CAPN3: variants seen among roughly 807,000 people sequenced by gnomAD.
CAPN3 encodes the protein calpain 3.
CAPN3 carries 88 observed loss-of-function variants against 114.0 expected under a neutral mutation model. The ratio of observed to expected loss-of-function variants is 0.77; its 90% CI spans 0.65 to 0.92. CAPN3 has a LOEUF of 0.92. Ranked by LOEUF, CAPN3 falls within the 40% of genes least tolerant of loss-of-function variation. CAPN3 has a pLI of 0.00. For synonymous variants in CAPN3, 386 were observed against 382.9 expected (o/e 1.01, Z -0.09); for missense variants, 1,028 against 1,069.0 (o/e 0.96, Z 0.53).
At chr15:42,407,319 A>T (rs1356227338) in intron 15 of CAPN3, among the ~76,000 whole-genome samples, 1 of 151,124 alleles carries the variant, frequency 6.6e-6, no homozygotes, top group Non-Finnish European at 1.5e-5. Flanking sequence ...GAGTAAACTG[A>T]GGCCAGAGAG....
intron 8 of CAPN3, 74 bp from the exon 9 acceptor site, chr15:42,396,726 T>G: frequency 8.6e-7 from 1 of 1,160,362 alleles, no homozygotes; most frequent in Non-Finnish European, 1.3e-6. Flanking sequence ...TGTATTTCTC[T>G]GATACCTCCT....
At position 42,403,022 on chromosome 15, in the gene CAPN3, TC is replaced by T; in HGVS notation, c.1745+23del. 6.2e-7 allele frequency: 1 copy of T among 1,607,086 alleles called. No individual in the cohort carries two copies. The highest frequency in any genetic ancestry group is 8.5e-7 in the Non-Finnish European group (1 of 1,173,716). On this transcript the variant is annotated intron_variant, in intron 13 of 23. Transcript: ENST00000397163. ...CTCTGAGTGAGTGCTGGCCCAGCTT[TC>T]CCACGTGTTTCTAAAAGCTCACATG... is the stretch of plus-strand genomic sequence containing the variant.
Position 42,409,308 on chromosome 15 carries a change from G to C in CAPN3, c.1920G>C (p.Gln640His). ...PDKQKQSPQP[Q>H]PGSSDQESEE... ...TTTCCTTTGTGCCTCCACAGCCACAGCCTGGCAGCTCTGATCAGGAAAGTG... is the reference window on the plus strand; with the variant it reads ...TTTCCTTTGTGCCTCCACAGCCACACCCTGGCAGCTCTGATCAGGAAAGTG... The change falls in exon 17 of 24, where the codon CAG becomes CAC. Residue 640 changes from glutamine (Q) to histidine (H), a missense_variant. Gln to His is a conservative substitution (Grantham distance 24, BLOSUM62 0). Coordinates refer to ENST00000397163, the MANE Select transcript of CAPN3 (RefSeq NM_000070.3). The C allele has an allele frequency of 6.2e-7, 1 of 1,614,130 alleles. No individual in the cohort carries two copies. The highest frequency in any genetic ancestry group is 1.1e-5 in the South Asian group (1 of 91,076).
At chr15:42,390,173 C>G (rs2053518388) in intron 6 of CAPN3, 77 bp downstream of exon 6, 2 of 1,542,930 alleles carry the variant, frequency 1.3e-6, no homozygotes, top group Non-Finnish European at 1.8e-6. Flanking sequence ...TCAGACTCCC[C>G]TCAGCAGCCA....
At position 42,404,027 on chromosome 15, in the gene CAPN3, C is replaced by A. The variant is rs2053949341; in HGVS notation, c.1782+250C>A. The stretch of plus-strand genomic sequence containing the variant: ...GGAAGAGGGTCCTGGAAAGGAGAAG[C>A]AATTTGAACAATCGGAGGGAACAAG... On this transcript the variant is annotated intron_variant, in intron 14 of 23. Coordinates refer to ENST00000397163, the MANE Select transcript of CAPN3 (RefSeq NM_000070.3). 5.0e-6 allele frequency: 3 copies of A among 601,358 alleles called. No individual in the cohort carries two copies. The African/African-American group carries it at 6.2e-5, about 12-fold the overall frequency. 37.3% of individuals were successfully genotyped at this position (601,358 alleles called of 1,614,324 possible). A position where few individuals can be genotyped will look rare whatever the true frequency, so the allele number is the denominator to read the frequency against.
chr15:42,390,638 A>T (rs1317067915), intron 6 of CAPN3, among the ~76,000 whole-genome samples: 1 of 152,076 alleles, frequency 6.6e-6, no homozygotes, highest in Non-Finnish European at 1.5e-5. Flanking sequence ...ATTTTTCCCC[A>T]TGTAAAGATA....
intron 8 of CAPN3, among the ~76,000 whole-genome samples, chr15:42,395,487 G>C (rs962015766): frequency 6.6e-6 from 1 of 152,174 alleles, no homozygotes; most frequent in Non-Finnish European, 1.5e-5. Flanking sequence ...ATCACAAAGA[G>C]GGGGCCTCTG....
chr15:42,369,870 C>CTTTTTTT (rs748584513), intron 1 of CAPN3, among the ~76,000 whole-genome samples: 1 of 127,042 alleles, frequency 7.9e-6, no homozygotes, highest in African/African-American at 3.2e-5. Context: ...TTCTTTCTTT[C>CTTTTTTT]TTTTTTTTTT....
At chr15:42,376,441 G>A (rs908515218) in intron 1 of CAPN3, among the ~76,000 whole-genome samples, 3 of 152,102 alleles carry the variant, frequency 2.0e-5, no homozygotes, top group Admixed American at 6.5e-5. Flanking sequence ...TTTATTTTAA[G>A]TCGTAATCCA....
At chr15:42,402,619 A>G in intron 12 of CAPN3, 175 bp from the exon 13 acceptor site, 1 of 1,521,820 alleles carries the variant, frequency 6.6e-7, no homozygotes, top group Admixed American at 2.0e-5. Flanking sequence ...ACAACAGAAA[A>G]GGAAGAGGAA....
intron 1 of CAPN3, among the ~76,000 whole-genome samples, chr15:42,365,065 AC>A (rs1443242763): frequency 6.6e-6 from 1 of 152,198 alleles, no homozygotes; most frequent in African/African-American, 2.4e-5. Flanking sequence ...GTGGACCCTG[AC>A]AACAATGAGG....
intron 3 of CAPN3, among the ~76,000 whole-genome samples, chr15:42,386,931 C>G (rs1208244860): frequency 6.6e-6 from 1 of 152,094 alleles, no homozygotes; most frequent in Non-Finnish European, 1.5e-5. Context: ...CAGCCTGTCT[C>G]CAGCTTCAAA....
rs2141221233 is a variant in CAPN3, at chr15:42,409,777, T to G, written c.1993-10T>G. 6.2e-7 allele frequency: 1 copy of G among 1,605,378 alleles called. No homozygotes were observed. Among genetic ancestry groups the G allele is most frequent in the Middle Eastern group, 1.7e-4 (1 of 6,008 alleles). On this transcript the variant is annotated splice_polypyrimidine_tract_variant and intron_variant, in intron 17 of 23. Coordinates refer to ENST00000397163, the MANE Select transcript of CAPN3 (RefSeq NM_000070.3). ...CCTGAACCATGACCCTCCTCTCCCTTCCTCCTCAGGACATGGAGATCTGTG... is the reference window on the plus strand; with the variant it reads ...CCTGAACCATGACCCTCCTCTCCCTGCCTCCTCAGGACATGGAGATCTGTG...
chr15:42,408,315 G>A lies in CAPN3; in HGVS notation c.1905G>A (p.Gln635=). The A allele has an allele frequency of 1.9e-6, 3 of 1,609,938 alleles. No individual in the cohort carries two copies. The highest frequency in any genetic ancestry group is 2.2e-5 in the South Asian group (2 of 90,998). Residue 635 remains glutamine (Q), a synonymous_variant, in exon 16 of 24, where the codon CAG becomes CAA. Transcript: ENST00000397163. ...AAACAAGCCCTGATAAGCAAAAGCA[G>A]TCCCCACAGGTGTCTGGGCATGTGG... The part of the protein sequence containing the change: ...KGKTSPDKQK[Q]SPQPQPGSSD...
Position 42,359,516 on chromosome 15 carries a change from C to T in CAPN3, c.-290C>T, listed in dbSNP as rs2052583760. 7.0e-6 allele frequency: 9 copies of T among 1,278,858 alleles called. No homozygotes were observed. The highest frequency in any genetic ancestry group is 8.9e-6 in the Non-Finnish European group (9 of 1,006,896). 79.2% of individuals were successfully genotyped at this position (1,278,858 alleles called of 1,614,324 possible). A position where few individuals can be genotyped will look rare whatever the true frequency, so the allele number is the denominator to read the frequency against. On this transcript the variant is annotated 5_prime_UTR_variant, in exon 1 of 24. Transcript: ENST00000397163. Reference sequence around the variant, plus strand: ...CACAACCCTCACTCTCTTTCTCTCTCCCTCTGGCATGCATGCTGCTGGTAG... The same window carrying T: ...CACAACCCTCACTCTCTTTCTCTCTTCCTCTGGCATGCATGCTGCTGGTAG...
intron 5 of CAPN3, 50 bp downstream of exon 5, chr15:42,389,146 G>A (rs373686868): frequency 5.1e-6 from 8 of 1,578,998 alleles, no homozygotes; most frequent in Admixed American, 3.3e-5. Context: ...GTGTCAGGAA[G>A]CCTTTTACCC....
intron 4 of CAPN3, 143 bp from the exon 5 acceptor site, chr15:42,388,785 C>T: frequency 2.5e-6 from 2 of 790,910 alleles, no homozygotes; most frequent in Non-Finnish European, 4.5e-6. Context: ...TCATTGTTTC[C>T]ATCCCATGAG....
intron 14 of CAPN3, chr15:42,404,179 A>T (rs1221119391): frequency 2.2e-6 from 1 of 459,298 alleles, no homozygotes; most frequent in African/African-American, 2.0e-5. Context: ...TGGATCCTCC[A>T]CTTACCAGCG....
intron 5 of CAPN3, among the ~76,000 whole-genome samples, chr15:42,389,648 A>G (rs897013171): frequency 6.6e-6 from 1 of 152,198 alleles, no homozygotes; most frequent in Non-Finnish European, 1.5e-5. Flanking sequence ...AGGGCTGCTC[A>G]GTATATTGAT....
Sources: gnomAD v4.1 joint callset for allele counts (sites outside exome capture counted in the v4.1 genomes callset) on GRCh38, gnomAD v4.1.1 for gene constraint, MANE v1.5 for transcripts, NCBI Gene and HGNC (gene_info 2026-07-23, HGNC 2026-07-21) for gene names.